The following PARD3 variants were observed in gnomAD, a reference collection of about 807,000 sequenced individuals.
PARD3 encodes partitioning defective 3 homolog.
In PARD3, 75 loss-of-function variants were observed where a neutral mutation model predicts 155.4. The observed-to-expected ratio is 0.48, with a 90% confidence interval of 0.40 to 0.58. The LOEUF (loss-of-function observed/expected upper bound fraction) is 0.58. Ranked by LOEUF, PARD3 falls within the 20% of genes least tolerant of loss-of-function variation. The probability of loss-of-function intolerance (pLI) is 0.00; values close to 1 mark genes in which losing one functional copy is unlikely to be tolerated. For missense variants in PARD3, 1,642 were observed against 1,721.7 expected, an observed-to-expected ratio of 0.95 and a Z score of 0.82; for synonymous variants, 576 against 610.5, an observed-to-expected ratio of 0.94 and a Z score of 0.83.
chr10:34,409,652 C>A (rs570424116), intron 5 of PARD3, among the ~76,000 whole-genome samples: 250 of 152,310 alleles, frequency 1.6e-3, no homozygotes, highest in African/African-American at 5.4e-3. Flanking sequence ...GGTTCTCCCA[C>A]CACACACTAG....
At chr10:34,124,696 C>T (rs1947183387) in intron 23 of PARD3, among the ~76,000 whole-genome samples, 1 of 152,116 alleles carries the variant, frequency 6.6e-6, no homozygotes, top group Non-Finnish European at 1.5e-5. Context: ...AAAGCACACC[C>T]GTTTCCCTCA....
intron 2 of PARD3, among the ~76,000 whole-genome samples, chr10:34,627,688 G>C (rs368144886): frequency 3.9e-5 from 6 of 152,172 alleles, no homozygotes; most frequent in Admixed American, 3.3e-4. Flanking sequence ...CTTTGGGGAG[G>C]GGGGTGTGAC....
At chr10:34,775,014 CT>C (rs1839362128) in intron 1 of PARD3, among the ~76,000 whole-genome samples, 1 of 152,176 alleles carries the variant, frequency 6.6e-6, no homozygotes, top group African/African-American at 2.4e-5. Context: ...GAAGTCACCG[CT>C]GTGAAAACAA....
At chr10:34,205,356 C>A (rs1308383445) in intron 22 of PARD3, among the ~76,000 whole-genome samples, 2 of 152,046 alleles carry the variant, frequency 1.3e-5, no homozygotes, top group Admixed American at 1.3e-4. Context: ...GGCCTAAATT[C>A]TCTTAGCATG....
intron 2 of PARD3, among the ~76,000 whole-genome samples, chr10:34,682,649 G>A (rs1271691069): frequency 2.6e-5 from 4 of 152,270 alleles, no homozygotes; most frequent in Middle Eastern, 3.4e-3. Context: ...TTGAGCCCGG[G>A]TGTTGGAGGC....
intron 1 of PARD3, among the ~76,000 whole-genome samples, chr10:34,803,752 G>A (rs533473538): frequency 6.6e-5 from 10 of 152,082 alleles, no homozygotes; most frequent in East Asian, 3.9e-4. Context: ...GCAGTGAGCC[G>A]AGATCGCGCC....
At chr10:34,713,082 G>A (rs1038910722) in intron 1 of PARD3, among the ~76,000 whole-genome samples, 2 of 151,992 alleles carry the variant, frequency 1.3e-5, no homozygotes, top group African/African-American at 2.4e-5. Context: ...CATGGTGGCA[G>A]GCACCTGTAA....
intron 14 of PARD3, among the ~76,000 whole-genome samples, chr10:34,352,394 G>GAGC (rs1353877529): frequency 6.6e-6 from 1 of 152,080 alleles, no homozygotes; most frequent in Non-Finnish European, 1.5e-5. Flanking sequence ...CTCTGATGCC[G>GAGC]AGCCGAGGCT....
intron 1 of PARD3, among the ~76,000 whole-genome samples, chr10:34,798,989 C>T (rs1425145021): frequency 1.3e-5 from 2 of 152,156 alleles, no homozygotes; most frequent in Non-Finnish European, 2.9e-5. Context: ...GAGACCTCAC[C>T]CCCTTGGTTT....
At chr10:34,378,643 T>C (rs1841498934) in intron 9 of PARD3, among the ~76,000 whole-genome samples, 2 of 152,156 alleles carry the variant, frequency 1.3e-5, no homozygotes, top group Admixed American at 1.3e-4. Flanking sequence ...ACTAAGAGGA[T>C]AAACCATAAA....
At chr10:34,679,692 A>G (rs1226648287) in intron 2 of PARD3, among the ~76,000 whole-genome samples, 1 of 152,170 alleles carries the variant, frequency 6.6e-6, no homozygotes, top group Non-Finnish European at 1.5e-5. Flanking sequence ...ATACCCTTTC[A>G]AAAGGCAACA....
intron 1 of PARD3, among the ~76,000 whole-genome samples, chr10:34,790,546 T>G (rs952949751): frequency 6.6e-6 from 1 of 151,878 alleles, no homozygotes; most frequent in African/African-American, 2.4e-5. Flanking sequence ...CCAGCATCCA[T>G]GCAATGCAGA....
At chr10:34,774,785 G>A (rs1253723788) in intron 1 of PARD3, among the ~76,000 whole-genome samples, 1 of 152,184 alleles carries the variant, frequency 6.6e-6, no homozygotes, top group Non-Finnish European at 1.5e-5. Context: ...TTGCAATCCT[G>A]CCAAGTACTA....
At chr10:34,656,781 G>A (rs78131171) in intron 2 of PARD3, among the ~76,000 whole-genome samples, 3,112 of 152,278 alleles carry the variant, frequency 0.02, 108 homozygotes, top group African/African-American at 0.071. Context: ...AGGGCCGCAG[G>A]AGAAGTCAGA....
chr10:34,632,359 C>T (rs1480700628), intron 2 of PARD3, among the ~76,000 whole-genome samples: 6 of 152,200 alleles, frequency 3.9e-5, no homozygotes, highest in Admixed American at 1.3e-4. Flanking sequence ...AGAATCCAGC[C>T]CCATCCTCTG....
At chr10:34,718,701 G>A (rs982885759) in intron 1 of PARD3, among the ~76,000 whole-genome samples, 25 of 151,790 alleles carry the variant, frequency 1.6e-4, no homozygotes, top group Admixed American at 3.3e-4. Flanking sequence ...GGTGGCTCAC[G>A]CCTGTAATCC....
Position 34,763,705 on chromosome 10 carries a change from C to G in PARD3, c.120+51171G>C, listed in dbSNP as rs186913836. On this transcript the variant is annotated intron_variant, in intron 1 of 24. Transcript: ENST00000374788. ...ACTAGACACCTGCAGCTGTGTCTAG[C>G]CCACGGCCACCTGGGTACTCAGGAG... 2.3e-4 allele frequency among the ~76,000 whole-genome samples: 35 copies of G among 152,236 alleles called. No individual in the cohort carries two copies. In the East Asian group the frequency reaches 4.6e-3, roughly 20 times the overall value.
intron 13 of PARD3, 104 bp from the exon 14 acceptor site, chr10:34,359,421 A>G: frequency 1.2e-6 from 1 of 846,380 alleles, no homozygotes; most frequent in East Asian, 2.7e-5. Flanking sequence ...GCAAAAAAAA[A>G]AAAAGTGGGG....
At chr10:34,644,390 G>A (rs796100624) in intron 2 of PARD3, among the ~76,000 whole-genome samples, 2 of 152,180 alleles carry the variant, frequency 1.3e-5, no homozygotes, top group Non-Finnish European at 1.5e-5. Context: ...CCAGCCCCAC[G>A]CTCCGACAGT....
Sources: allele counts gnomAD v4.1 joint callset (sites outside exome capture counted in the v4.1 genomes callset), GRCh38; gene constraint gnomAD v4.1.1; transcripts MANE v1.5; gene names NCBI Gene and HGNC (gene_info 2026-07-23, HGNC 2026-07-21).